ZNF534: variants seen among roughly 807,000 people sequenced by gnomAD.
ZNF534 encodes KRAB domain only 3.
A neutral mutation model predicts 13.6 loss-of-function variants in ZNF534; 19 were observed. That is an observed-to-expected ratio of 1.40 (90% CI 0.97 to 2.05). ZNF534 has a LOEUF of 2.05. ZNF534 is among the 30% of genes most tolerant of loss of function. The probability of loss-of-function intolerance (pLI) is 0.00; values close to 1 mark genes in which losing one functional copy is unlikely to be tolerated. For missense variants in ZNF534, 782 were observed against 796.3 expected, an observed-to-expected ratio of 0.98 and a Z score of 0.22; for synonymous variants, 244 against 273.8, an observed-to-expected ratio of 0.89 and a Z score of 1.07.
At chr19:52,443,265 G>T (rs541334776), downstream of ZNF534, among the ~76,000 whole-genome samples, 1 of 152,246 alleles carries the variant, frequency 6.6e-6, no homozygotes, top group Admixed American at 6.5e-5. Context: ...AATTTCTCAT[G>T]TATTCTTTGA....
chr19:52,444,257 T>G (rs1449252711), downstream of ZNF534, among the ~76,000 whole-genome samples: 3 of 152,088 alleles, frequency 2.0e-5, no homozygotes, highest in East Asian at 5.8e-4. Flanking sequence ...CTGTAGTGAT[T>G]GTTATCTCCC....
rs2059142892 is a variant in ZNF534, at chr19:52,438,257, GA to G, written c.798del (p.Gln267ArgfsTer52). ...GCACAACATCAGAAAATTCATACTG[GA>G]CAGAAACCTTACAATAACAAAGAAT... ...HLAQHQKIHT[G>X]QKPYNNKECG... On this transcript the variant is annotated frameshift_variant, in exon 5 of 5. Transcript: ENST00000433050. LOFTEE classifies it low-confidence loss of function (END_TRUNC). 1 of 1,605,598 alleles carries G rather than the reference GA, an allele frequency of 6.2e-7. No individual in the cohort carries two copies. Among genetic ancestry groups the G allele is most frequent in the Non-Finnish European group, 8.5e-7 (1 of 1,173,648 alleles).
In ZNF534 at chr19:52,432,701, C is replaced by T. The variant is rs1341456028; in HGVS notation, c.15+1212C>T. Among the ~76,000 whole-genome samples, 4 of 147,768 alleles carry T rather than the reference C, an allele frequency of 2.7e-5. No individual in the cohort carries two copies. The East Asian group carries it at 5.9e-4, about 22-fold the overall frequency. ...AGGCTGGAGTGCAATGATGCAATCT[C>T]GGCTCACTGCAACCTCTGCCTCCTG... On this transcript the variant is annotated intron_variant, in intron 2 of 4. Transcript: ENST00000433050.
chr19:52,433,198 C>A (rs2122662020), intron 2 of ZNF534, among the ~76,000 whole-genome samples: 1 of 147,354 alleles, frequency 6.8e-6, no homozygotes, highest in Middle Eastern at 3.4e-3. Context: ...GATATCACAC[C>A]CCTGCACTCC....
Position 52,437,699 on chromosome 19 carries a change from G to A in ZNF534, c.272-33G>A, listed in dbSNP as rs752380460. The A allele has an allele frequency of 1.3e-5, 20 of 1,522,966 alleles. No homozygotes were observed. In the African/African-American group the frequency reaches 1.9e-4, roughly 15 times the overall value. 94.3% of individuals were successfully genotyped at this position (1,522,966 alleles called of 1,614,324 possible). Reference sequence around the variant, plus strand: ...TCAGACTTTAAACATGCCAGAATCGGGATTAAGTTCTAAAATTTTCTTGCT... The same window carrying A: ...TCAGACTTTAAACATGCCAGAATCGAGATTAAGTTCTAAAATTTTCTTGCT... On this transcript the variant is annotated intron_variant, in intron 4 of 4. Coordinates refer to ENST00000433050, the MANE Select transcript of ZNF534 (RefSeq NM_001143938.3).
chr19:52,438,562 T>G lies in ZNF534; in HGVS notation c.1102T>G (p.Phe368Val). The change falls in exon 5 of 5, where the codon TTC becomes GTC. Residue 368 changes from phenylalanine (F) to valine (V), a missense_variant. This residue lies in a region of ZNF534 where 591 missense variants were observed against 574.0 expected (regional missense o/e 1.03). Transcript: ENST00000433050. ...ECGKGFSRIA[F>V]LARHRKVHTG... ...TGGCAAGGGGTTTAGTCGAATTGCA[T>G]TCCTTGCAAGGCATCGGAAAGTTCA... 6.3e-7 allele frequency: 1 copy of G among 1,580,080 alleles called. No individual in the cohort carries two copies. The highest frequency in any genetic ancestry group is 1.1e-5 in the South Asian group (1 of 87,774).
At chr19:52,449,213 C>T (rs2059204362) in intron 4 of ZNF534, among the ~76,000 whole-genome samples, 1 of 152,166 alleles carries the variant, frequency 6.6e-6, no homozygotes. Context: ...GAACAGTATA[C>T]CATTGTCTAT....
At position 52,441,476 on chromosome 19, in the gene ZNF534, C is replaced by G. The variant is rs1472581241; in HGVS notation, c.*2030C>G. Among the ~76,000 whole-genome samples the G allele has an allele frequency of 6.6e-6, 1 of 152,202 alleles. No individual in the cohort carries two copies. The highest frequency in any genetic ancestry group is 1.5e-5 in the Non-Finnish European group (1 of 68,034). On this transcript the variant is annotated 3_prime_UTR_variant, in exon 5 of 5. Transcript: ENST00000433050. ...GCTGCAGTGAGTCATGTTTGCAGTA[C>G]TGCACTCCAGCCTGGGTGACAGAGT...
At chr19:52,451,424 C>G in exon 5 of ZNF534, 1 of 708,184 alleles carries the variant, frequency 1.4e-6, no homozygotes. Context: ...GCCCCTCGGC[C>G]GCGCAGTGCG....
At position 52,438,110 on chromosome 19, in the gene ZNF534, G is replaced by T; in HGVS notation, c.650G>T (p.Ser217Ile). The change falls in exon 5 of 5, where the codon AGT becomes ATT. Residue 217 changes from serine to isoleucine, a missense_variant. Around this residue, in one of 5 missense-constraint regions of ZNF534, gnomAD observed 591 missense variants for 574.0 expected, o/e 1.03. Transcript: ENST00000433050. ...IHIADKTYKC[S>I]DCGEIFSSNS... The stretch of plus-strand genomic sequence containing the variant: ...ATTGCAGATAAAACTTACAAATGTA[G>T]TGACTGTGGCGAGATCTTTAGTAGC... 6.2e-7 allele frequency: 1 copy of T among 1,614,114 alleles called. No homozygotes were observed. Among genetic ancestry groups the T allele is most frequent in the Non-Finnish European group, 8.5e-7 (1 of 1,180,010 alleles).
chr19:52,445,731 T>C (rs2059192447), downstream of ZNF534, among the ~76,000 whole-genome samples: 1 of 13,284 alleles, frequency 7.5e-5, no homozygotes, highest in Non-Finnish European at 1.7e-4. Context: ...ACTCTTGCAG[T>C]CATTCTGGAG....
In ZNF534 at chr19:52,435,933, C is replaced by CTTTTTTTTTTTTTTTTTTTTTTTTTTTT; in HGVS notation, c.271+726_271+727insTTTTTTTTTTTTTTTTTTTTTTTTTTTT. Among the ~76,000 whole-genome samples the CTTTTTTTTTTTTTTTTTTTTTTTTTTTT allele has an allele frequency of 1.1e-4, 2 of 17,522 alleles. 1 individual carries two copies. The highest frequency in any genetic ancestry group is 1.4e-4 in the African/African-American group (2 of 13,874). 11.5% of individuals were successfully genotyped at this position (17,522 alleles called of 152,430 possible). On this transcript the variant is annotated intron_variant, in intron 4 of 4. Transcript: ENST00000433050. ...CATTGATGTTTTTCTTATTTTTCTT[C>CTTTTTTTTTTTTTTTTTTTTTTTTTTTT]TTCTTCTTTTTTTTTTTTTTTTTGA...
intron 1 of ZNF534, among the ~76,000 whole-genome samples, chr19:52,429,844 C>T (rs1275626451): frequency 1.3e-5 from 2 of 151,994 alleles, no homozygotes; most frequent in Non-Finnish European, 2.9e-5. Context: ...ATCTGCCCGC[C>T]TCATCCTTTC....
Position 52,430,915 on chromosome 19 carries a change from ATCTC to A in ZNF534, c.-67-492_-67-489del, listed in dbSNP as rs561864433. Reference sequence around the variant, plus strand: ...ACCCAGGCTGGAGTGCAATGGTGCGATCTCGGCTCACTGCAACCTCTGCCTCCCA... The same window carrying A: ...ACCCAGGCTGGAGTGCAATGGTGCGAGGCTCACTGCAACCTCTGCCTCCCA... On this transcript the variant is annotated intron_variant, in intron 1 of 4. Transcript: ENST00000433050. Among the ~76,000 whole-genome samples, 769 of 150,640 alleles carry A rather than the reference ATCTC, an allele frequency of 5.1e-3. 3 individuals carry two copies. Among genetic ancestry groups the A allele is most frequent in the Non-Finnish European group, 7.3e-3 (492 of 67,796 alleles).
downstream of ZNF534, among the ~76,000 whole-genome samples, chr19:52,443,681 C>T (rs980577633): frequency 6.6e-5 from 10 of 151,946 alleles, no homozygotes; most frequent in African/African-American, 2.4e-4. Flanking sequence ...ACCTGGGAGG[C>T]AGAGGTTGCA....
chr19:52,436,796 A>G (rs1486033923), intron 4 of ZNF534, among the ~76,000 whole-genome samples: 1 of 151,828 alleles, frequency 6.6e-6, no homozygotes, highest in African/African-American at 2.4e-5. Context: ...CTTGTTTTTA[A>G]TGATTTCCCC....
At chr19:52,447,324 T>C (rs923300724), downstream of ZNF534, among the ~76,000 whole-genome samples, 25 of 152,370 alleles carry the variant, frequency 1.6e-4, no homozygotes, top group African/African-American at 5.8e-4. Context: ...TTAATGGCTA[T>C]ACTATTTTAT....
chr19:52,437,599 A>G (rs2059136296), intron 4 of ZNF534, 133 bp from the exon 5 acceptor site: 2 of 870,956 alleles, frequency 2.3e-6, no homozygotes, highest in Non-Finnish European at 1.7e-6. Flanking sequence ...ACAATGTGAG[A>G]CTCCATCTCA....
chr19:52,446,047 C>T (rs887866845), downstream of ZNF534, among the ~76,000 whole-genome samples: 26 of 152,064 alleles, frequency 1.7e-4, no homozygotes, highest in Non-Finnish European at 3.4e-4. Context: ...AAGAAGTGTT[C>T]CTTTAAATCT....
Sources: gnomAD v4.1 joint callset for allele counts (sites outside exome capture counted in the v4.1 genomes callset) on GRCh38, gnomAD v4.1.1 for gene constraint, gnomAD v4.1.1 regional missense constraint, MANE v1.5 for transcripts, NCBI Gene and HGNC (gene_info 2026-07-23, HGNC 2026-07-21) for gene names.